JMJD1C: variants seen among roughly 807,000 people sequenced by gnomAD.
The protein encoded by JMJD1C is jumonji domain containing 1C, also known as jumonji domain-containing protein 1C.
In JMJD1C, 31 loss-of-function variants were observed where a neutral mutation model predicts 245.3. The observed-to-expected ratio is 0.13, with a 90% CI of 0.09 to 0.17. The LOEUF (loss-of-function observed/expected upper bound fraction) is 0.17. Ranked by LOEUF, JMJD1C falls within the 10% of genes least tolerant of loss-of-function variation. The pLI, the probability that JMJD1C is intolerant of heterozygous loss-of-function variation, is 1.00. For synonymous variants in JMJD1C, 1,057 were observed against 1,017.4 expected, an observed-to-expected ratio of 1.04 and a Z score of -0.74; for missense variants, 2,691 against 3,000.2, an observed-to-expected ratio of 0.90 and a Z score of 2.41.
intron 1 of JMJD1C, among the ~76,000 whole-genome samples, chr10:63,458,495 A>AG (rs1952562435): frequency 6.6e-6 from 1 of 152,054 alleles, no homozygotes; most frequent in African/African-American, 2.4e-5. Flanking sequence ...AAAAAAAAAA[A>AG]AAAGTCTGCT....
chr10:63,280,535 A>G (rs1048605910), intron 2 of JMJD1C, among the ~76,000 whole-genome samples: 1 of 152,068 alleles, frequency 6.6e-6, no homozygotes, highest in Non-Finnish European at 1.5e-5. Context: ...GGGCGACAAG[A>G]GTGAAACTCC....
At chr10:63,481,941 T>C (rs1953843649) in intron 1 of JMJD1C, among the ~76,000 whole-genome samples, 1 of 152,202 alleles carries the variant, frequency 6.6e-6, no homozygotes, top group African/African-American at 2.4e-5. Flanking sequence ...TTTGTTCTTT[T>C]ACATCCTCAT....
chr10:63,474,608 G>A (rs142092462), intron 1 of JMJD1C, among the ~76,000 whole-genome samples: 37 of 152,002 alleles, frequency 2.4e-4, no homozygotes, highest in Admixed American at 1.3e-3. Context: ...GTACCACCAC[G>A]TCCAGCTCAT....
chr10:63,518,374 C>T (rs1405582824), intron 1 of JMJD1C, among the ~76,000 whole-genome samples: 1 of 152,090 alleles, frequency 6.6e-6, no homozygotes, highest in Non-Finnish European at 1.5e-5. Flanking sequence ...TCAAACAAAT[C>T]CATATACCCT....
At chr10:63,393,496 A>G (rs1948240376) in intron 1 of JMJD1C, among the ~76,000 whole-genome samples, 1 of 152,174 alleles carries the variant, frequency 6.6e-6, no homozygotes, top group African/African-American at 2.4e-5. Flanking sequence ...TGAAAACACT[A>G]AAAATATAAC....
intron 3 of JMJD1C, among the ~76,000 whole-genome samples, chr10:63,263,959 T>TACATAC (rs1162704720): frequency 1.2e-5 from 1 of 83,006 alleles, no homozygotes; most frequent in Admixed American, 1.4e-4. Flanking sequence ...AAAATACACA[T>TACATAC]ACACACACAC....
intron 2 of JMJD1C, among the ~76,000 whole-genome samples, chr10:63,365,525 T>G (rs1446673092): frequency 6.6e-6 from 1 of 152,076 alleles, no homozygotes. Context: ...AATCTCAGCA[T>G]TTTGGGAGGC....
At chr10:63,367,287 T>C (rs537596595) in intron 2 of JMJD1C, among the ~76,000 whole-genome samples, 1 of 152,150 alleles carries the variant, frequency 6.6e-6, no homozygotes, top group African/African-American at 2.4e-5. Context: ...TTCATTCTTA[T>C]TGCCCAGGCT....
intron 1 of JMJD1C, among the ~76,000 whole-genome samples, chr10:63,411,116 A>G (rs1949446273): frequency 6.6e-6 from 1 of 152,160 alleles, no homozygotes; most frequent in African/African-American, 2.4e-5. Context: ...TACTGAGTGT[A>G]AAAAGCCACT....
At chr10:63,423,034 G>A (rs1950219048) in intron 1 of JMJD1C, among the ~76,000 whole-genome samples, 2 of 150,386 alleles carry the variant, frequency 1.3e-5, no homozygotes, top group South Asian at 2.1e-4. Flanking sequence ...GCACGATATC[G>A]GCTCACTGCA....
intron 2 of JMJD1C, among the ~76,000 whole-genome samples, chr10:63,377,936 A>G (rs1428006140): frequency 6.7e-6 from 1 of 150,078 alleles, no homozygotes. Context: ...AAAAAAAAGG[A>G]ACCAGAGCAA....
chr10:63,244,911 C>T (rs974675479), intron 3 of JMJD1C, among the ~76,000 whole-genome samples: 12 of 151,744 alleles, frequency 7.9e-5, no homozygotes, highest in African/African-American at 2.7e-4. Context: ...CCAAGGCAGC[C>T]GGATCACTTG....
chr10:63,445,862 ATTTTTTTTTTTT>A (rs56316223), intron 1 of JMJD1C, among the ~76,000 whole-genome samples: 9 of 75,770 alleles, frequency 1.2e-4, no homozygotes, highest in African/African-American at 3.8e-4. Flanking sequence ...TGGGATCTGA[ATTTTTTTTTTTT>A]TTTTTTTTTT....
chr10:63,204,600 T>C (rs1303319210), intron 10 of JMJD1C: 2 of 985,258 alleles, frequency 2.0e-6, no homozygotes, highest in African/African-American at 3.5e-5. Flanking sequence ...AAGCCTATTA[T>C]GAATTCATGG....
chr10:63,281,501 C>T (rs1321679152), intron 2 of JMJD1C, among the ~76,000 whole-genome samples: 2 of 115,868 alleles, frequency 1.7e-5, no homozygotes, highest in Non-Finnish European at 1.7e-5. Context: ...GACGGAGTCT[C>T]ACTCTGTGGC....
Position 63,207,422 on chromosome 10 carries a change from A to T in JMJD1C, c.4247T>A (p.Val1416Glu), listed in dbSNP as rs1295300246. ...TSVSSWGGSE[V>E]ISSLSNTILA... Reference sequence around the variant, plus strand: ...AATGGTATTTGATAAAGAGGAAATTACTTCTGAACCACCCCAGCTGGAAAC... The same window carrying T: ...AATGGTATTTGATAAAGAGGAAATTTCTTCTGAACCACCCCAGCTGGAAAC... The change falls in exon 10 of 26, where the codon GTA becomes GAA. Residue 1416 changes from valine (V) to glutamate (E), a missense_variant. Physicochemically the swap from Val to Glu is moderately radical, Grantham distance 121 (BLOSUM62 -2). Transcript: ENST00000399262. The T allele has an allele frequency of 6.2e-7, 1 of 1,614,060 alleles. No individual in the cohort carries two copies. The highest frequency in any genetic ancestry group is 1.3e-5 in the African/African-American group (1 of 74,916).
chr10:63,337,625 A>AAAGAAAAGAAAAAGG (rs1942962803), intron 2 of JMJD1C, among the ~76,000 whole-genome samples: 1 of 5,128 alleles, frequency 2.0e-4, no homozygotes, highest in Non-Finnish European at 5.0e-4. Flanking sequence ...AAAGAAAAGA[A>AAAGAAAAGAAAAAGG]AAAGAAAAGA....
At chr10:63,254,240 GA>G (rs1250203065) in intron 3 of JMJD1C, among the ~76,000 whole-genome samples, 2 of 151,594 alleles carry the variant, frequency 1.3e-5, no homozygotes, top group Admixed American at 6.6e-5. Flanking sequence ...CTAGACAGCT[GA>G]AAAAAAAGAG....
intron 1 of JMJD1C, among the ~76,000 whole-genome samples, chr10:63,438,424 T>G (rs1024692581): frequency 6.6e-6 from 1 of 152,142 alleles, no homozygotes; most frequent in African/African-American, 2.4e-5. Context: ...ATCGTTACAA[T>G]TGCCTCCTAA....
Sources: gnomAD v4.1 joint callset for allele counts (sites outside exome capture counted in the v4.1 genomes callset) on GRCh38, gnomAD v4.1.1 for gene constraint, MANE v1.5 for transcripts, NCBI Gene and HGNC (gene_info 2026-07-23, HGNC 2026-07-21) for gene names.